The following CD99L2 variants were observed in gnomAD, a reference collection of about 807,000 sequenced individuals.
The protein encoded by CD99L2 is CD99 antigen-like protein 2.
In CD99L2, 24 loss-of-function variants were observed where a neutral mutation model predicts 27.3. That is an observed-to-expected ratio of 0.88 (90% confidence interval 0.64 to 1.24). CD99L2 has a LOEUF of 1.24. Among genes scored for constraint, CD99L2 ranks in the 50% most tolerant of loss-of-function variants. CD99L2 has a pLI of 0.00. For missense variants in CD99L2, 255 were observed against 221.6 expected (o/e 1.15, Z -0.96); for synonymous variants, 97 against 87.9 (o/e 1.10, Z -0.58).
At chrX:150,788,380 A>G (rs1039946501) in intron 7 of CD99L2, among the ~76,000 whole-genome samples, 9 of 111,375 alleles carry the variant, frequency 8.1e-5, no homozygotes, top group African/African-American at 2.6e-4. Context: ...GGTCACATTC[A>G]TGTTCTTGAT....
intron 10 of CD99L2, among the ~76,000 whole-genome samples, chrX:150,769,420 C>T (rs2043373889): frequency 8.9e-6 from 1 of 112,818 alleles, no homozygotes; most frequent in Non-Finnish European, 1.9e-5. Context: ...AGATGCTGGC[C>T]TCGTGGTGGC....
chrX:150,886,791 C>T (rs781966866), intron 1 of CD99L2, among the ~76,000 whole-genome samples: 13 of 111,670 alleles, frequency 1.2e-4, no homozygotes, highest in East Asian at 5.7e-4. Flanking sequence ...GACACCCACC[C>T]GCCTTATCCC....
intron 1 of CD99L2, among the ~76,000 whole-genome samples, chrX:150,871,043 C>T (rs1001396389): frequency 2.7e-5 from 3 of 112,295 alleles, no homozygotes; most frequent in Non-Finnish European, 5.6e-5. Flanking sequence ...TGGGAAATGT[C>T]GACAGTCCCA....
At chrX:150,874,097 T>C (rs1389572143) in intron 1 of CD99L2, among the ~76,000 whole-genome samples, 5 of 112,133 alleles carry the variant, frequency 4.5e-5, no homozygotes, top group Non-Finnish European at 9.4e-5. Flanking sequence ...ACAGAAAGAT[T>C]AGAAAACCAG....
At chrX:150,824,583 A>AGG (rs1569566010) in intron 2 of CD99L2, among the ~76,000 whole-genome samples, 2 of 89,860 alleles carry the variant, frequency 2.2e-5, no homozygotes, top group South Asian at 6.8e-4. Flanking sequence ...GGAGGAGGAG[A>AGG]AGGAGGAGAA....
chrX:150,885,130 A>G (rs1557422587), intron 1 of CD99L2, among the ~76,000 whole-genome samples: 2 of 111,503 alleles, frequency 1.8e-5, no homozygotes. Flanking sequence ...TGACCGCACA[A>G]AAGTCGGTAG....
rs782344876 is a variant in CD99L2 at position 150,793,788 on chromosome X, A to G, written c.431-32T>C. ...AAAATAAAACATACATTTCAACAAC[A>G]AGAAAAAAAAATCAGCAACAAGAAA... On this transcript the variant is annotated intron_variant, in intron 6 of 10. Coordinates refer to ENST00000370377, the MANE Select transcript of CD99L2 (RefSeq NM_031462.4). 20 of 1,104,524 alleles carry G rather than the reference A, an allele frequency of 1.8e-5. No homozygotes were observed. In the South Asian group the frequency reaches 4.1e-4, roughly 22 times the overall value. 91.0% of individuals were successfully genotyped at this position (1,104,524 alleles called of 1,213,427 possible).
chrX:150,788,371 G>A (rs1390597082), intron 7 of CD99L2, among the ~76,000 whole-genome samples: 2 of 110,969 alleles, frequency 1.8e-5, no homozygotes, highest in African/African-American at 6.6e-5. Context: ...GAATGACAGG[G>A]TCACATTCAT....
chrX:150,802,773 G>A (rs1186712806), intron 4 of CD99L2, among the ~76,000 whole-genome samples: 1 of 104,132 alleles, frequency 9.6e-6, no homozygotes, highest in African/African-American at 3.5e-5. Flanking sequence ...AGTAGAGACG[G>A]GGTTTCACCG....
intron 2 of CD99L2, among the ~76,000 whole-genome samples, chrX:150,824,408 AG>A (rs1557420811): frequency 1.9e-5 from 2 of 103,730 alleles, no homozygotes; most frequent in Non-Finnish European, 3.9e-5. Context: ...AGAAAGAAGA[AG>A]AAAAGAAGAA....
At chrX:150,896,046 AG>A (rs1319983332) in intron 1 of CD99L2, among the ~76,000 whole-genome samples, 16 of 107,557 alleles carry the variant, frequency 1.5e-4, no homozygotes, top group South Asian at 4.1e-4. Flanking sequence ...AAAAAAAAAA[AG>A]ATCCAGAAAA....
At chrX:150,893,738 CAG>C (rs1400229570) in intron 1 of CD99L2, among the ~76,000 whole-genome samples, 1 of 109,742 alleles carries the variant, frequency 9.1e-6, no homozygotes, top group Admixed American at 9.8e-5. Context: ...TGTTTTGAGA[CAG>C]AGTCTCGCTC....
chrX:150,811,714 C>CA (rs1268652265), intron 4 of CD99L2, among the ~76,000 whole-genome samples: 9 of 111,520 alleles, frequency 8.1e-5, no homozygotes, highest in Non-Finnish European at 1.7e-4. Flanking sequence ...TTTTAAGGCT[C>CA]AAAAACAATT....
intron 10 of CD99L2, among the ~76,000 whole-genome samples, chrX:150,769,796 C>T (rs2043402354): frequency 8.9e-6 from 1 of 112,865 alleles, no homozygotes; most frequent in Non-Finnish European, 1.9e-5. Flanking sequence ...AGGCCTGTGG[C>T]CTGAACTTAT....
intron 4 of CD99L2, among the ~76,000 whole-genome samples, chrX:150,806,782 T>C (rs1174232374): frequency 2.7e-5 from 3 of 110,538 alleles, no homozygotes; most frequent in Non-Finnish European, 5.7e-5. Flanking sequence ...TCCCAGCTAC[T>C]TGGGAGGCTG....
At chrX:150,875,769 T>C (rs2047219432) in intron 1 of CD99L2, among the ~76,000 whole-genome samples, 1 of 110,264 alleles carries the variant, frequency 9.1e-6, no homozygotes, top group Admixed American at 9.6e-5. Flanking sequence ...TCTCACAAGA[T>C]CTGACAGTTT....
chrX:150,898,565 G>A lies in CD99L2; in HGVS notation c.24C>T (p.Phe8=), dbSNP rs183192693. 11,185 of 1,117,935 alleles carry A rather than the reference G, an allele frequency of 0.01. 64 individuals are homozygous for A. The highest frequency in any genetic ancestry group is 0.012 in the Middle Eastern group (35 of 2,941). The allele number at this position is 1,117,935 out of a possible 1,213,427, so 92.1% of individuals were successfully genotyped here. Residue 8 remains phenylalanine (F), a synonymous_variant, in exon 1 of 11, where the codon TTC becomes TTT. Transcript: ENST00000370377. The part of the protein sequence containing the change: MVAWRSA[F]LVCLAFSLAT... ...CCAAGGAGAAAGCGAGGCAGACAAG[G>A]AACGCCGAGCGCCAGGCCACCATGG... is the stretch of plus-strand genomic sequence containing the variant.
At chrX:150,771,833 G>A (rs1557419092) in intron 9 of CD99L2, 4 of 1,154,127 alleles carry the variant, frequency 3.5e-6, no homozygotes, top group Admixed American at 5.2e-5. Flanking sequence ...CTGAAGGCAA[G>A]ACACAAAGCT....
intron 1 of CD99L2, among the ~76,000 whole-genome samples, chrX:150,839,610 G>A (rs1292363155): frequency 9.0e-6 from 1 of 111,595 alleles, no homozygotes; most frequent in Non-Finnish European, 1.9e-5. Context: ...GCTCATGCCT[G>A]TAATCCCAGC....
Sources: allele counts gnomAD v4.1 joint callset (sites outside exome capture counted in the v4.1 genomes callset), GRCh38; gene constraint gnomAD v4.1.1; transcripts MANE v1.5; gene names NCBI Gene and HGNC (gene_info 2026-07-23, HGNC 2026-07-21).